DDX56: variants seen among roughly 807,000 people sequenced by gnomAD.
The protein encoded by DDX56 is DEAD-box helicase 56.
In DDX56, 45 loss-of-function variants were observed where a neutral mutation model predicts 61.5. That is an observed-to-expected ratio of 0.73 (90% confidence interval 0.58 to 0.94). The LOEUF is 0.94. Among genes scored for constraint, DDX56 ranks in the 40% least tolerant of loss-of-function variants. The pLI is 0.00. For synonymous variants in DDX56, 273 were observed against 268.3 expected (o/e 1.02, Z -0.17); for missense variants, 708 against 690.7 (o/e 1.02, Z -0.28).
chr7:44,568,113 C>T lies in DDX56; in HGVS notation c.1489+5G>A, dbSNP rs1048977356. The T allele has an allele frequency of 3.1e-6, 5 of 1,611,680 alleles. No homozygotes were observed. Among genetic ancestry groups the T allele is most frequent in the Non-Finnish European group, 4.2e-6 (5 of 1,177,864 alleles). On this transcript the variant is annotated splice_donor_5th_base_variant and intron_variant, in intron 12 of 13. Transcript: ENST00000258772. ...CTGCCTCCTGCCCTGTCAGGCCACA[C>T]TCACCCAGGTAGTCAGGAACATGGC...
At chr7:44,566,832 C>T (rs943307693) in intron 12 of DDX56, among the ~76,000 whole-genome samples, 20 of 152,088 alleles carry the variant, frequency 1.3e-4, no homozygotes, top group African/African-American at 4.8e-4. Context: ...TCACCTGTGG[C>T]CCATTACTAC....
Position 44,568,142 on chromosome 7 carries a change from G to T in DDX56, c.1465C>A (p.Leu489Met). 1 of 1,614,110 alleles carries T rather than the reference G, an allele frequency of 6.2e-7. No individual in the cohort carries two copies. Among genetic ancestry groups the T allele is most frequent in the Non-Finnish European group, 8.5e-7 (1 of 1,179,946 alleles). Reference sequence around the variant, plus strand: ...CCCAGGTAGTCAGGAACATGGCCCAGGTGGGGCTTCACCACTGCGGGGTGC... The same window carrying T: ...CCCAGGTAGTCAGGAACATGGCCCATGTGGGGCTTCACCACTGCGGGGTGC... ...PLHPAVVKPH[L>M]GHVPDYLVPP... The change falls in exon 12 of 14, where the codon CTG becomes ATG. Residue 489 changes from leucine to methionine, a missense_variant. Transcript: ENST00000258772.
In DDX56 at chr7:44,565,823, A is replaced by T. The variant is rs1802515054; in HGVS notation, c.*179T>A. The T allele has an allele frequency of 6.5e-6, 4 of 612,156 alleles. No individual in the cohort carries two copies. The highest frequency in any genetic ancestry group is 1.2e-5 in the Non-Finnish European group (4 of 340,332). 37.9% of individuals were successfully genotyped at this position (612,156 alleles called of 1,614,324 possible). A position where few individuals can be genotyped will look rare whatever the true frequency, so the allele number is the denominator to read the frequency against. On this transcript the variant is annotated 3_prime_UTR_variant, in exon 14 of 14. Coordinates refer to ENST00000258772, the MANE Select transcript of DDX56 (RefSeq NM_019082.4). ...ACAAACTGGGGCAGCTAAAATTTTT[A>T]TTCTGTTGTCAAGGGGCAAGATGCC...
In DDX56 at chr7:44,573,757, G is replaced by C; in HGVS notation, c.61-13C>G. 1 of 1,613,520 alleles carries C rather than the reference G, an allele frequency of 6.2e-7. No individual in the cohort carries two copies. The highest frequency in any genetic ancestry group is 1.1e-5 in the South Asian group (1 of 91,088). On this transcript the variant is annotated splice_polypyrimidine_tract_variant and intron_variant, in intron 1 of 13. Transcript: ENST00000258772. ...GATCGGTGACAGCCTAGGAGACCAG[G>C]AGTGCGGTTTAAGCGGCGTGAAGAG...
chr7:44,569,911 G>T lies in DDX56; in HGVS notation c.1125-8C>A. 6.2e-7 allele frequency: 1 copy of T among 1,611,236 alleles called. No homozygotes were observed. Among genetic ancestry groups the T allele is most frequent in the Non-Finnish European group, 8.5e-7 (1 of 1,178,486 alleles). ...TTGTTAGCGCGTGCTGTCCTGCAAG[G>T]GAAGACAGTGCAGCTTGCATCTCCA... On this transcript the variant is annotated splice_polypyrimidine_tract_variant and splice_region_variant and intron_variant, in intron 8 of 13. Coordinates refer to ENST00000258772, the MANE Select transcript of DDX56 (RefSeq NM_019082.4).
At chr7:44,570,149 C>T in intron 7 of DDX56, 21 bp from the exon 8 acceptor site, 1 of 1,612,588 alleles carries the variant, frequency 6.2e-7, no homozygotes, top group Non-Finnish European at 8.5e-7. Flanking sequence ...AACTCAATGT[C>T]AGCCGGACCC....
rs1340281251 is a variant in DDX56 at position 44,572,737 on chromosome 7, G to A, written c.391C>T (p.Leu131=). 6.2e-7 allele frequency: 1 copy of A among 1,614,066 alleles called. No homozygotes were observed. The highest frequency in any genetic ancestry group is 8.5e-7 in the Non-Finnish European group (1 of 1,180,016). Residue 131 remains leucine (L), a synonymous_variant, in exon 4 of 14, where the codon CTG becomes TTG. Transcript: ENST00000258772. The part of the protein sequence containing the change: ...AEDSVSQRAV[L]MEKPDVVVGT... The stretch of plus-strand genomic sequence containing the variant: ...ACTACCACATCTGGCTTCTCCATCA[G>A]CACAGCTCTGGAGGTGGACAAGACA...
chr7:44,573,593 T>C lies in DDX56; in HGVS notation c.212A>G (p.His71Arg), dbSNP rs542305571. The change falls in exon 2 of 14, where the codon CAT becomes CGT. Residue 71 changes from histidine to arginine, a missense_variant. By Grantham distance (29) the His-to-Arg change is conservative. Coordinates refer to ENST00000258772, the MANE Select transcript of DDX56 (RefSeq NM_019082.4). Reference protein sequence around the residue: ...YAIPMLQLLLHRKATGPVVEQ... With the variant: ...YAIPMLQLLLRRKATGPVVEQ... ...TCTCTCGTTACCCACCGCCTTCCTA[T>C]GGAGCAACAGCTGCAGCATCGGAAT... 24 of 1,613,524 alleles carry C rather than the reference T, an allele frequency of 1.5e-5. No homozygotes were observed. The highest frequency in any genetic ancestry group is 1.0e-4 in the Admixed American group (6 of 60,022).
At chr7:44,573,805 C>T (rs752292904) in intron 1 of DDX56, 31 bp downstream of exon 1, 1 of 1,613,372 alleles carries the variant, frequency 6.2e-7, no homozygotes, top group Non-Finnish European at 8.5e-7. Flanking sequence ...CCGCAGAGCC[C>T]GTAAGCCGGC....
intron 12 of DDX56, chr7:44,567,858 G>A: frequency 1.9e-6 from 1 of 529,500 alleles, no homozygotes; most frequent in East Asian, 3.4e-5. Context: ...GGCCTGAAAT[G>A]CTGGGTCTGC....
At chr7:44,567,130 C>G (rs568071114) in intron 12 of DDX56, among the ~76,000 whole-genome samples, 86 of 151,824 alleles carry the variant, frequency 5.7e-4, no homozygotes, top group African/African-American at 2.0e-3. Context: ...CATCTCAGGC[C>G]AGGACCTGGA....
intron 11 of DDX56, among the ~76,000 whole-genome samples, chr7:44,568,628 C>T (rs1326544003): frequency 2.0e-5 from 3 of 151,986 alleles, no homozygotes; most frequent in African/African-American, 4.8e-5. Flanking sequence ...CATTCACAAG[C>T]GTGACCAGGA....
rs1434958 is a variant in DDX56, at chr7:44,573,312, G to C, written c.223-262C>G. Among the ~76,000 whole-genome samples the C allele has an allele frequency of 0.067, 10,214 of 152,272 alleles. 604 individuals are homozygous for C. Among genetic ancestry groups the C allele is most frequent in the East Asian group, 0.25 (1,316 of 5,182 alleles). ...GAAGCTAAATTCTCACAATAATTCT[G>C]TAAGTAGAAAAGATAGATGTGCTCC... On this transcript the variant is annotated intron_variant, in intron 2 of 13. Transcript: ENST00000258772.
At chr7:44,573,448 G>T in intron 2 of DDX56, 135 bp downstream of exon 2, 1 of 1,196,632 alleles carries the variant, frequency 8.4e-7, no homozygotes, top group Non-Finnish European at 1.2e-6. Flanking sequence ...CAGAGTGTTT[G>T]CCACAACAGC....
In DDX56 at chr7:44,565,851, C is replaced by A; in HGVS notation, c.*151G>T. ...CTGTTGTCAAGGGGCAAGATGCCAG[C>A]TTGGAAGTGCCAAGGAGCTAAAGGG... On this transcript the variant is annotated 3_prime_UTR_variant, in exon 14 of 14. Transcript: ENST00000258772. 1.5e-6 allele frequency: 1 copy of A among 661,106 alleles called. No individual in the cohort carries two copies. The highest frequency in any genetic ancestry group is 2.7e-6 in the Non-Finnish European group (1 of 366,396). 41.0% of individuals were successfully genotyped at this position (661,106 alleles called of 1,614,324 possible). A position where few individuals can be genotyped will look rare whatever the true frequency, so the allele number is the denominator to read the frequency against.
rs772729433 is a variant in DDX56 at position 44,565,991 on chromosome 7, G to A, written c.*11C>T. 6 of 1,604,004 alleles carry A rather than the reference G, an allele frequency of 3.7e-6. No homozygotes were observed. The highest frequency in any genetic ancestry group is 3.7e-4 in the Middle Eastern group (2 of 5,472). On this transcript the variant is annotated 3_prime_UTR_variant, in exon 14 of 14. Coordinates refer to ENST00000258772, the MANE Select transcript of DDX56 (RefSeq NM_019082.4). Reference sequence around the variant, plus strand: ...CCACAATGTGCTCAGCTCCAGAGAGGCCCAACAACCTCAGGAGGGCTTGGC... The same window carrying A: ...CCACAATGTGCTCAGCTCCAGAGAGACCCAACAACCTCAGGAGGGCTTGGC...
At position 44,572,611 on chromosome 7, in the gene DDX56, A is replaced by G; in HGVS notation, c.517T>C (p.Ser173Pro). ...TTGAGCTCTTCTTCAAAGCCAAAGG[A>G]AAAAAGAAGGTCAGCTTCGTCCACC... Reference protein sequence around the residue: ...LVVDEADLLFSFGFEEELKSL... With the variant: ...LVVDEADLLFPFGFEEELKSL... Residue 173 changes from serine to proline, a missense_variant, in exon 4 of 14, where the codon TCC becomes CCC. Ser to Pro is a moderately conservative substitution (Grantham distance 74, BLOSUM62 -1). Transcript: ENST00000258772. The G allele has an allele frequency of 6.2e-7, 1 of 1,614,134 alleles. No homozygotes were observed. The highest frequency in any genetic ancestry group is 2.2e-5 in the East Asian group (1 of 44,878).
intron 7 of DDX56, 51 bp from the exon 8 acceptor site, chr7:44,570,179 T>C: frequency 6.3e-7 from 1 of 1,599,222 alleles, no homozygotes; most frequent in Non-Finnish European, 8.5e-7. Context: ...TCTGGGCACG[T>C]ATTCACACGC....
intron 6 of DDX56, among the ~76,000 whole-genome samples, 163 bp from the exon 7 acceptor site, chr7:44,571,040 A>C (rs1802656220): frequency 6.6e-6 from 1 of 152,114 alleles, no homozygotes; most frequent in Non-Finnish European, 1.5e-5. Context: ...AAATAATTAT[A>C]GGGTTTTGTT....
Sources: gnomAD v4.1 joint callset for allele counts (sites outside exome capture counted in the v4.1 genomes callset) on GRCh38, gnomAD v4.1.1 for gene constraint, MANE v1.5 for transcripts, NCBI Gene and HGNC (gene_info 2026-07-23, HGNC 2026-07-21) for gene names.